Variants in SDK1 observed in about 807,000 individuals in gnomAD.
The protein encoded by SDK1 is protein sidekick-1.
SDK1 carries 157 observed loss-of-function variants against 245.5 expected under a neutral mutation model. That is an observed-to-expected ratio of 0.64 (90% confidence interval 0.56 to 0.73). The LOEUF (loss-of-function observed/expected upper bound fraction) is 0.73. Among genes scored for constraint, SDK1 ranks in the 30% least tolerant of loss-of-function variants. The pLI is 0.00. For synonymous variants in SDK1, 1,647 were observed against 1,278.5 expected, an observed-to-expected ratio of 1.29 and a Z score of -6.15; for missense variants, 3,583 against 3,002.3, an observed-to-expected ratio of 1.19 and a Z score of -4.52.
At chr7:4,190,184 C>G (rs942571085) in intron 35 of SDK1, among the ~76,000 whole-genome samples, 11 of 152,232 alleles carry the variant, frequency 7.2e-5, no homozygotes, top group African/African-American at 2.2e-4. Flanking sequence ...GCTGCACTGT[C>G]TCATCATCGA....
intron 1 of SDK1, among the ~76,000 whole-genome samples, chr7:3,532,631 TATTAGGAAC>T (rs1250615353): frequency 6.6e-6 from 1 of 152,180 alleles, no homozygotes; most frequent in Non-Finnish European, 1.5e-5. Flanking sequence ...TCCAGGTCAT[TATTAGGAAC>T]ATAGTTAGTA....
At chr7:3,618,499 C>G (rs902056670) in intron 1 of SDK1, among the ~76,000 whole-genome samples, 12 of 152,270 alleles carry the variant, frequency 7.9e-5, no homozygotes, top group African/African-American at 2.6e-4. Context: ...GCAATTGTTG[C>G]TGCATTCTCG....
At chr7:3,986,399 C>G (rs1783827998) in intron 13 of SDK1, among the ~76,000 whole-genome samples, 1 of 152,166 alleles carries the variant, frequency 6.6e-6, no homozygotes, top group Admixed American at 6.5e-5. Context: ...AATGCGGCAA[C>G]TGTGTGGTCT....
intron 2 of SDK1, among the ~76,000 whole-genome samples, chr7:3,636,688 C>G (rs2128650101): frequency 6.6e-6 from 1 of 152,258 alleles, no homozygotes; most frequent in South Asian, 2.1e-4. Flanking sequence ...ATCTGAGATT[C>G]TTCTTTCAGT....
At chr7:3,700,517 C>G (rs1784710040) in intron 4 of SDK1, among the ~76,000 whole-genome samples, 1 of 151,946 alleles carries the variant, frequency 6.6e-6, no homozygotes, top group Non-Finnish European at 1.5e-5. Flanking sequence ...GGATATAATG[C>G]AATAATTAAA....
At chr7:3,902,231 T>C (rs1216010507) in intron 5 of SDK1, among the ~76,000 whole-genome samples, 1 of 152,170 alleles carries the variant, frequency 6.6e-6, no homozygotes, top group Non-Finnish European at 1.5e-5. Flanking sequence ...AAATCATGAG[T>C]TTACGCTGAC....
rs572992782 is a variant in SDK1, at chr7:3,342,523, G to C, written c.298+40639G>C. 4.6e-5 allele frequency among the ~76,000 whole-genome samples: 7 copies of C among 152,276 alleles called. No homozygotes were observed. The South Asian group carries it at 1.2e-3, about 27-fold the overall frequency. ...GACTCGCTTGAACCCAGGAGGTGGAGGTTGCGGTGAGCCGAGATCGCATCG... is the reference window on the plus strand; with the variant it reads ...GACTCGCTTGAACCCAGGAGGTGGACGTTGCGGTGAGCCGAGATCGCATCG... On this transcript the variant is annotated intron_variant, in intron 1 of 44. Coordinates refer to ENST00000404826, the MANE Select transcript of SDK1 (RefSeq NM_152744.4).
At chr7:3,522,793 G>C (rs948920789) in intron 1 of SDK1, among the ~76,000 whole-genome samples, 2 of 152,048 alleles carry the variant, frequency 1.3e-5, no homozygotes, top group African/African-American at 4.8e-5. Context: ...AACATGATCT[G>C]GTTTTAAAAT....
At chr7:3,627,580 G>A (rs865839521) in intron 2 of SDK1, among the ~76,000 whole-genome samples, 3 of 152,152 alleles carry the variant, frequency 2.0e-5, no homozygotes, top group African/African-American at 2.4e-5. Context: ...GAATTGTGTC[G>A]CACTGAGGGC....
At chr7:3,679,522 G>A (rs902730132) in intron 4 of SDK1, among the ~76,000 whole-genome samples, 7 of 151,896 alleles carry the variant, frequency 4.6e-5, no homozygotes, top group East Asian at 1.9e-4. Flanking sequence ...AGCCGAGATC[G>A]TGCCACTGCA....
At chr7:4,113,213 C>A in intron 23 of SDK1, 76 bp from the exon 24 acceptor site, 1 of 1,488,620 alleles carries the variant, frequency 6.7e-7, no homozygotes, top group South Asian at 1.3e-5. Flanking sequence ...GAGAAACAGT[C>A]AGCGCCTTTG....
intron 1 of SDK1, among the ~76,000 whole-genome samples, chr7:3,423,462 C>G (rs991448358): frequency 1.3e-5 from 2 of 151,784 alleles, no homozygotes; most frequent in African/African-American, 4.8e-5. Context: ...GATTTCTATG[C>G]TTTTATAAGA....
intron 5 of SDK1, among the ~76,000 whole-genome samples, chr7:3,850,609 A>G (rs576073889): frequency 6.6e-6 from 1 of 152,330 alleles, no homozygotes; most frequent in South Asian, 2.1e-4. Context: ...AACCAACCCA[A>G]ATGTCCATCA....
intron 1 of SDK1, among the ~76,000 whole-genome samples, chr7:3,410,636 G>T (rs1779176822): frequency 7.0e-6 from 1 of 142,066 alleles, no homozygotes; most frequent in Admixed American, 7.2e-5. Context: ...GCCTAGGCTG[G>T]AGTGCAGTGG....
At chr7:4,135,437 C>G (rs146615378) in intron 28 of SDK1, among the ~76,000 whole-genome samples, 1 of 152,190 alleles carries the variant, frequency 6.6e-6, no homozygotes, top group Non-Finnish European at 1.5e-5. Flanking sequence ...CAAGGAGAAA[C>G]GTACAAGGAT....
At chr7:3,475,181 C>T (rs1307787012) in intron 1 of SDK1, among the ~76,000 whole-genome samples, 1 of 152,154 alleles carries the variant, frequency 6.6e-6, no homozygotes, top group Non-Finnish European at 1.5e-5. Flanking sequence ...TAGTTAGTTC[C>T]AGGGTCTGGA....
intron 40 of SDK1, among the ~76,000 whole-genome samples, chr7:4,232,183 A>G (rs1785819535): frequency 6.6e-6 from 1 of 151,550 alleles, no homozygotes; most frequent in Admixed American, 6.6e-5. Flanking sequence ...AAGCAAATCT[A>G]TGATGAAGAT....
At chr7:3,464,105 A>T (rs1780915623) in intron 1 of SDK1, among the ~76,000 whole-genome samples, 1 of 152,228 alleles carries the variant, frequency 6.6e-6, no homozygotes, top group South Asian at 2.1e-4. Flanking sequence ...TTCTAAAAAT[A>T]CGCAGTTATT....
chr7:3,330,710 T>G (rs1172969652), intron 1 of SDK1, among the ~76,000 whole-genome samples: 2 of 151,144 alleles, frequency 1.3e-5, no homozygotes, highest in Non-Finnish European at 2.9e-5. Flanking sequence ...CGGTGACTCA[T>G]GCCTGCAATC....
Sources: allele counts gnomAD v4.1 joint callset (sites outside exome capture counted in the v4.1 genomes callset), GRCh38; gene constraint gnomAD v4.1.1; transcripts MANE v1.5; gene names NCBI Gene and HGNC (gene_info 2026-07-23, HGNC 2026-07-21).